Variants in DHX57 observed in about 807,000 individuals in gnomAD.
DHX57 encodes the protein DExH-box helicase 57.
In DHX57, 105 loss-of-function variants were observed where a neutral mutation model predicts 156.2. The ratio of observed to expected loss-of-function variants is 0.67; its 90% CI spans 0.57 to 0.79. The LOEUF is 0.79. Ranked by LOEUF, DHX57 falls within the 30% of genes least tolerant of loss-of-function variation. The pLI is 0.00. For missense variants in DHX57, 1,847 were observed against 1,661.9 expected, an observed-to-expected ratio of 1.11 and a Z score of -1.94; for synonymous variants, 704 against 595.6, an observed-to-expected ratio of 1.18 and a Z score of -2.65.
In DHX57 at chr2:38,825,972, G is replaced by A. The variant is rs61757606; in HGVS notation, c.2889C>T (p.Gly963=). 8 of 1,614,172 alleles carry A rather than the reference G, an allele frequency of 5.0e-6. No individual in the cohort carries two copies. The highest frequency in any genetic ancestry group is 6.8e-6 in the Non-Finnish European group (8 of 1,180,024). The change falls in exon 16 of 24, where the codon GGC becomes GGT. Residue 963 remains glycine (G), a synonymous_variant. Transcript: ENST00000457308. ...CCCCAGATGCAACACGGCCTGCTCGGCCTTTCCTTTGTAGAGCATTAGCTT... is the reference window on the plus strand; with the variant it reads ...CCCCAGATGCAACACGGCCTGCTCGACCTTTCCTTTGTAGAGCATTAGCTT... ...VSQANALQRK[G]RAGRVASGVC...
At chr2:38,829,491 C>T (rs932854843) in intron 13 of DHX57, among the ~76,000 whole-genome samples, 4 of 150,704 alleles carry the variant, frequency 2.7e-5, no homozygotes, top group Non-Finnish European at 4.4e-5. Flanking sequence ...AGGCTGGTCT[C>T]GAACTCCTGA....
At chr2:38,839,211 T>A (rs1671850163) in intron 12 of DHX57, among the ~76,000 whole-genome samples, 1 of 151,890 alleles carries the variant, frequency 6.6e-6, no homozygotes, top group Non-Finnish European at 1.5e-5. Flanking sequence ...ATTATAGTCG[T>A]GAGCCACCGC....
intron 11 of DHX57, among the ~76,000 whole-genome samples, chr2:38,846,507 A>G (rs1672294415): frequency 6.6e-6 from 1 of 151,536 alleles, no homozygotes. Flanking sequence ...TAGTTCAGCT[A>G]CTCAGGAGGC....
chr2:38,809,321 C>T (rs1264590206), intron 21 of DHX57, among the ~76,000 whole-genome samples: 1 of 151,708 alleles, frequency 6.6e-6, no homozygotes, highest in Non-Finnish European at 1.5e-5. Flanking sequence ...GACAAGTTCT[C>T]ACTCTGTTGC....
intron 1 of DHX57, among the ~76,000 whole-genome samples, chr2:38,873,850 T>C (rs939064565): frequency 2.0e-5 from 3 of 152,162 alleles, no homozygotes; most frequent in East Asian, 1.9e-4. Context: ...GCAGTTATTT[T>C]AGATAGAGTG....
intron 1 of DHX57, among the ~76,000 whole-genome samples, chr2:38,874,763 G>T (rs1428654301): frequency 6.6e-6 from 1 of 152,140 alleles, no homozygotes; most frequent in Non-Finnish European, 1.5e-5. Context: ...CCTGTAAGTG[G>T]AGCCGGGTAG....
At chr2:38,847,520 G>A (rs1672356076) in intron 10 of DHX57, among the ~76,000 whole-genome samples, 1 of 152,116 alleles carries the variant, frequency 6.6e-6, no homozygotes, top group Non-Finnish European at 1.5e-5. Context: ...AATTGAAGAA[G>A]GATAAATCAA....
Position 38,861,660 on chromosome 2 carries a change from T to C in DHX57, c.750A>G (p.Glu250=), listed in dbSNP as rs1383243524. The part of the protein sequence containing the change: ...SLDECMEQRQ[E]EAFALKSICG... The stretch of plus-strand genomic sequence containing the variant: ...AGATGGACTTGAGAGCAAATGCCTC[T>C]TCCTGTCGCTGTTCCATACACTCAT... Residue 250 remains glutamate (E), a synonymous_variant, in exon 5 of 24, where the codon GAA becomes GAG. Transcript: ENST00000457308. 1.9e-6 allele frequency: 3 copies of C among 1,614,186 alleles called. No individual in the cohort carries two copies. The highest frequency in any genetic ancestry group is 2.2e-5 in the East Asian group (1 of 44,872).
intron 1 of DHX57, among the ~76,000 whole-genome samples, chr2:38,871,556 A>C (rs972787272): frequency 2.6e-5 from 4 of 152,136 alleles, no homozygotes; most frequent in African/African-American, 9.7e-5. Flanking sequence ...AAACAACAGA[A>C]GTTTATTTGT....
At chr2:38,862,018 T>A in intron 4 of DHX57, 127 bp downstream of exon 4, 3 of 1,241,260 alleles carry the variant, frequency 2.4e-6, no homozygotes. Context: ...TAAGATAGAA[T>A]ATTAGGCCTA....
intron 6 of DHX57, 27 bp from the exon 7 acceptor site, chr2:38,856,488 G>GT (rs1672902255): frequency 3.2e-6 from 5 of 1,545,512 alleles, no homozygotes; most frequent in Middle Eastern, 1.8e-4. Context: ...TAAGATATCA[G>GT]TTGGGTTACT....
Position 38,847,020 on chromosome 2 carries a change from T to C in DHX57, c.2218A>G (p.Arg740Gly), listed in dbSNP as rs754064606. The change falls in exon 11 of 24, where the codon AGG becomes GGG. Residue 740 changes from arginine to glycine, a missense_variant and splice_region_variant. By Grantham distance (125) the Arg-to-Gly change is moderately radical (BLOSUM62 -2). Coordinates refer to ENST00000457308, the MANE Select transcript of DHX57 (RefSeq NM_198963.3). ...AATCTTAATTAATATCTTCCTTACC[T>C]TGTCACAGCAATTGCATCTTCCAAA... ...FFLEDAIAVT[R>G]YVLQDGSPYM... The C allele has an allele frequency of 6.9e-5, 111 of 1,612,128 alleles. No homozygotes were observed. Among genetic ancestry groups the C allele is most frequent in the Non-Finnish European group, 8.5e-5 (100 of 1,178,566 alleles).
chr2:38,821,861 T>A (rs1670832116), intron 17 of DHX57, among the ~76,000 whole-genome samples: 3 of 152,102 alleles, frequency 2.0e-5, no homozygotes, highest in Non-Finnish European at 4.4e-5. Context: ...TAAAGGGACA[T>A]TATGAATAAT....
chr2:38,835,961 G>T (rs1671634054), intron 13 of DHX57, among the ~76,000 whole-genome samples: 1 of 152,136 alleles, frequency 6.6e-6, no homozygotes, highest in African/African-American at 2.4e-5. Flanking sequence ...CCACACCAGG[G>T]GAATTAACAG....
chr2:38,874,705 G>A (rs1443555101), intron 1 of DHX57, among the ~76,000 whole-genome samples: 2 of 152,084 alleles, frequency 1.3e-5, no homozygotes, highest in Non-Finnish European at 2.9e-5. Flanking sequence ...CACCGCGCCC[G>A]ACCTGAAATA....
chr2:38,810,404 G>A, intron 21 of DHX57: 1 of 504,656 alleles, frequency 2.0e-6, no homozygotes, highest in Non-Finnish European at 3.9e-6. Context: ...TGCAAAGTGA[G>A]GTGGCCCTAG....
At chr2:38,857,807 G>A (rs72913105) in intron 6 of DHX57, among the ~76,000 whole-genome samples, 2,274 of 152,258 alleles carry the variant, frequency 0.015, 55 homozygotes, top group African/African-American at 0.052. Context: ...ATGCGATCTT[G>A]GGCACATTAT....
At chr2:38,845,039 A>C (rs1329262973) in intron 11 of DHX57, among the ~76,000 whole-genome samples, 1 of 152,114 alleles carries the variant, frequency 6.6e-6, no homozygotes, top group African/African-American at 2.4e-5. Flanking sequence ...TCTACTAAAA[A>C]TAAAAAAATT....
At chr2:38,840,801 C>T (rs1362464347) in intron 12 of DHX57, among the ~76,000 whole-genome samples, 1 of 151,976 alleles carries the variant, frequency 6.6e-6, no homozygotes, top group African/African-American at 2.4e-5. Flanking sequence ...AAGAAAACTC[C>T]AAAATTTTGA....
Sources: allele counts gnomAD v4.1 joint callset (sites outside exome capture counted in the v4.1 genomes callset), GRCh38; gene constraint gnomAD v4.1.1; transcripts MANE v1.5; gene names NCBI Gene and HGNC (gene_info 2026-07-23, HGNC 2026-07-21).